Variants in TMEM131 observed in about 807,000 individuals in gnomAD.
The protein encoded by TMEM131 is 2610524E03Rik.
Under a neutral mutation model 211.6 loss-of-function variants are expected in TMEM131, and 66 were observed. The ratio of observed to expected loss-of-function variants is 0.31; its 90% confidence interval spans 0.26 to 0.38. TMEM131 has a LOEUF of 0.38. Ranked by LOEUF, TMEM131 falls within the 10% of genes least tolerant of loss-of-function variation. The pLI, the probability that TMEM131 is intolerant of heterozygous loss-of-function variation, is 1.00. For missense variants in TMEM131, 2,036 were observed against 2,299.3 expected (o/e 0.89, Z 2.34); for synonymous variants, 844 against 841.3 (o/e 1.00, Z -0.06).
intron 33 of TMEM131, 28 bp downstream of exon 33, chr2:97,772,269 T>C: frequency 6.3e-7 from 1 of 1,585,862 alleles, no homozygotes; most frequent in Non-Finnish European, 8.5e-7. Flanking sequence ...TTATAGACCT[T>C]ATTTCTCTGT....
intron 11 of TMEM131, among the ~76,000 whole-genome samples, chr2:97,832,474 C>T (rs1336305035): frequency 1.3e-5 from 2 of 152,130 alleles, no homozygotes; most frequent in African/African-American, 2.4e-5. Context: ...AATGTGGTTA[C>T]CTGGGAAGAC....
chr2:97,869,341 G>T (rs571348505), intron 4 of TMEM131, among the ~76,000 whole-genome samples: 23 of 152,216 alleles, frequency 1.5e-4, no homozygotes, highest in Non-Finnish European at 2.2e-4. Context: ...GACAAGTGTG[G>T]AAGTGCTAGG....
At chr2:97,838,426 CTTTTTTTTTTTTTTT>C (rs753635047) in intron 7 of TMEM131, among the ~76,000 whole-genome samples, 1,034 of 89,078 alleles carry the variant, frequency 0.012, 34 homozygotes, top group African/African-American at 0.041. Context: ...TAAGCTTAAA[CTTTTTTTTTTTTTTT>C]TTTTTTTTTT....
chr2:97,890,494 T>C (rs1024056801), intron 3 of TMEM131, among the ~76,000 whole-genome samples: 5 of 152,090 alleles, frequency 3.3e-5, no homozygotes, highest in Admixed American at 2.0e-4. Context: ...GAGGAGTGGG[T>C]TGGAAGTGGG....
chr2:97,858,500 A>G (rs1475070998), intron 5 of TMEM131, among the ~76,000 whole-genome samples: 1 of 152,158 alleles, frequency 6.6e-6, no homozygotes, highest in East Asian at 1.9e-4. Context: ...TTATACCCTA[A>G]TCTCTGAGGC....
In TMEM131 at chr2:97,911,658, T is replaced by C. The variant is rs184353050; in HGVS notation, c.250-2960A>G. The C allele has an allele frequency of 6.1e-6, 6 of 985,204 alleles. No individual in the cohort carries two copies. The Admixed American group carries it at 3.7e-4, about 61-fold the overall frequency. 61.0% of individuals were successfully genotyped at this position (985,204 alleles called of 1,614,324 possible). A position where few individuals can be genotyped will look rare whatever the true frequency, so the allele number is the denominator to read the frequency against. On this transcript the variant is annotated intron_variant, in intron 2 of 40. Coordinates refer to ENST00000186436, the MANE Select transcript of TMEM131 (RefSeq NM_015348.2). The stretch of plus-strand genomic sequence containing the variant: ...TGTCTTGTGAAAGATAAGCAGATAC[T>C]CAATGCAAAGGATCTGTGGAAATAA...
chr2:97,893,353 T>A (rs1043327688), intron 3 of TMEM131, among the ~76,000 whole-genome samples: 1 of 152,174 alleles, frequency 6.6e-6, no homozygotes. Context: ...AATAAACACA[T>A]GTGTGCATGT....
chr2:97,850,417 A>G (rs1024001086), intron 5 of TMEM131, among the ~76,000 whole-genome samples: 5 of 152,102 alleles, frequency 3.3e-5, no homozygotes, highest in African/African-American at 1.2e-4. Context: ...GTCTGAATAC[A>G]TACCAGTGGT....
chr2:97,970,599 G>A lies in TMEM131; in HGVS notation c.187+24877C>T, dbSNP rs546510343. On this transcript the variant is annotated intron_variant, in intron 1 of 40. Transcript: ENST00000186436. ...AAAAGCCATCCATTTGCAAAGCCTT[G>A]ACCTCATCTATTCACCACTCACTCC... 5.3e-5 allele frequency among the ~76,000 whole-genome samples: 8 copies of A among 152,244 alleles called. No individual in the cohort carries two copies. The South Asian group carries it at 1.7e-3, about 32-fold the overall frequency.
chr2:97,870,639 A>G (rs578076230), intron 4 of TMEM131, among the ~76,000 whole-genome samples: 28 of 152,336 alleles, frequency 1.8e-4, no homozygotes, highest in Non-Finnish European at 3.5e-4. Context: ...GTCAAGGGCA[A>G]GTTTCCTACA....
At chr2:97,814,513 G>A in intron 13 of TMEM131, 125 bp from the exon 14 acceptor site, 1 of 967,764 alleles carries the variant, frequency 1.0e-6, no homozygotes, top group Non-Finnish European at 1.4e-6. Context: ...TAAAGATTTA[G>A]AACTATAATA....
intron 33 of TMEM131, among the ~76,000 whole-genome samples, chr2:97,769,367 T>C (rs933926252): frequency 2.9e-4 from 44 of 152,190 alleles, no homozygotes; most frequent in African/African-American, 9.9e-4. Context: ...CGTATTCTTT[T>C]TATTTTTGCT....
chr2:97,943,517 TAA>T (rs1677897265), intron 1 of TMEM131, among the ~76,000 whole-genome samples: 2 of 152,190 alleles, frequency 1.3e-5, no homozygotes, highest in Admixed American at 6.5e-5. Flanking sequence ...AAAAAAATTT[TAA>T]AAGACCTAAA....
rs371553887 is a variant in TMEM131 at position 97,757,374 on chromosome 2, C to T, written c.5377G>A (p.Gly1793Ser). 55 of 1,597,708 alleles carry T rather than the reference C, an allele frequency of 3.4e-5. No homozygotes were observed. The highest frequency in any genetic ancestry group is 4.5e-5 in the East Asian group (2 of 44,582). ...GTGGACCACAGGCCGCTGGTGTTAC[C>T]GAGGACCGACTGCGACAAAACAGAA... is the stretch of plus-strand genomic sequence containing the variant. ...SPTHTATSVL[G>S]NTSGLWSTTP... Residue 1793 changes from glycine (G) to serine (S), a missense_variant, in exon 41 of 41, where the codon GGT becomes AGT. Physicochemically the swap from Gly to Ser is moderately conservative, Grantham distance 56 (BLOSUM62 0). This residue lies in a region of TMEM131 where 1,623 missense variants were observed against 1,805.9 expected (regional missense o/e 0.90). Transcript: ENST00000186436.
intron 1 of TMEM131, among the ~76,000 whole-genome samples, chr2:97,969,640 A>G (rs1257558644): frequency 6.6e-6 from 1 of 152,154 alleles, no homozygotes; most frequent in Non-Finnish European, 1.5e-5. Context: ...TCAAAAACAT[A>G]TCTACACACT....
intron 4 of TMEM131, among the ~76,000 whole-genome samples, chr2:97,861,729 G>T (rs1674077021): frequency 6.6e-6 from 1 of 152,072 alleles, no homozygotes; most frequent in South Asian, 2.1e-4. Flanking sequence ...AGATTTCTAA[G>T]GTGTTTGACT....
intron 1 of TMEM131, among the ~76,000 whole-genome samples, chr2:97,930,490 TAAC>T (rs1383621120): frequency 6.6e-6 from 1 of 151,830 alleles, no homozygotes; most frequent in Non-Finnish European, 1.5e-5. Flanking sequence ...AAAAAATTAA[TAAC>T]AGCAGCTGAT....
chr2:97,933,125 ACT>A (rs1212904131), intron 1 of TMEM131, among the ~76,000 whole-genome samples: 1 of 152,070 alleles, frequency 6.6e-6, no homozygotes, highest in African/African-American at 2.4e-5. Context: ...GTGTAGGTAC[ACT>A]CTATGTTAGC....
intron 4 of TMEM131, among the ~76,000 whole-genome samples, chr2:97,874,207 A>G (rs1230129264): frequency 2.0e-5 from 3 of 152,238 alleles, no homozygotes; most frequent in Non-Finnish European, 4.4e-5. Flanking sequence ...AAAGCCTCCA[A>G]GAAATATGGG....
Sources: allele counts gnomAD v4.1 joint callset (sites outside exome capture counted in the v4.1 genomes callset), GRCh38; gene constraint gnomAD v4.1.1; regional missense constraint gnomAD v4.1.1; transcripts MANE v1.5; gene names NCBI Gene and HGNC (gene_info 2026-07-23, HGNC 2026-07-21).